The following AUTS2 variants were observed in gnomAD, a reference collection of about 807,000 sequenced individuals.
The protein encoded by AUTS2 is activator of transcription and developmental regulator AUTS2.
AUTS2 carries 17 observed loss-of-function variants against 112.4 expected under a neutral mutation model. That is an observed-to-expected ratio of 0.15 (90% CI 0.10 to 0.23). The LOEUF is 0.23. AUTS2 is among the 10% of genes least tolerant of loss of function. The pLI is 1.00. For missense variants in AUTS2, 1,510 were observed against 1,701.6 expected (o/e 0.89, Z 1.98); for synonymous variants, 751 against 702.7 (o/e 1.07, Z -1.09).
intron 2 of AUTS2, among the ~76,000 whole-genome samples, chr7:70,028,454 G>A (rs1800625412): frequency 6.6e-6 from 1 of 152,142 alleles, no homozygotes; most frequent in Non-Finnish European, 1.5e-5. Context: ...ATCATTCTAT[G>A]TTTTAAGTAT....
intron 4 of AUTS2, among the ~76,000 whole-genome samples, chr7:70,378,296 T>C (rs903283886): frequency 2.0e-5 from 3 of 152,264 alleles, no homozygotes; most frequent in African/African-American, 7.2e-5. Context: ...CAGAAGTGGC[T>C]ATTGAAATAT....
In AUTS2 at chr7:70,751,111, C is replaced by T. The variant is rs146270904; in HGVS notation, c.743-11759C>T. Among the ~76,000 whole-genome samples, 383 of 152,286 alleles carry T rather than the reference C, an allele frequency of 2.5e-3. 1 individual carries two copies. The highest frequency in any genetic ancestry group is 4.4e-3 in the Non-Finnish European group (299 of 68,026). ...ACCCCAAAATCGTTGATGACATTAACAGGTAAAATGACAGGGGCGCGTTGC... is the reference window on the plus strand; with the variant it reads ...ACCCCAAAATCGTTGATGACATTAATAGGTAAAATGACAGGGGCGCGTTGC... On this transcript the variant is annotated intron_variant, in intron 6 of 18. Coordinates refer to ENST00000342771, the MANE Select transcript of AUTS2 (RefSeq NM_015570.4).
At chr7:70,619,109 C>G (rs776300717) in intron 5 of AUTS2, among the ~76,000 whole-genome samples, 2 of 152,182 alleles carry the variant, frequency 1.3e-5, no homozygotes, top group Non-Finnish European at 2.9e-5. Flanking sequence ...CTCCCTGGGT[C>G]TCCCTTTCCA....
rs543006228 is a variant in AUTS2, at chr7:69,649,565, C to A, written c.309+49603C>A. Reference sequence around the variant, plus strand: ...GAGCAGAGTCACCTCATCCTCCTTTCCGTGGCCAACTCAAAGACTTACAAC... The same window carrying A: ...GAGCAGAGTCACCTCATCCTCCTTTACGTGGCCAACTCAAAGACTTACAAC... On this transcript the variant is annotated intron_variant, in intron 1 of 18. Coordinates refer to ENST00000342771, the MANE Select transcript of AUTS2 (RefSeq NM_015570.4). Among the ~76,000 whole-genome samples, 16 of 151,938 alleles carry A rather than the reference C, an allele frequency of 1.1e-4. No individual in the cohort carries two copies. In the East Asian group the frequency reaches 2.9e-3, roughly 28 times the overall value.
At chr7:69,983,240 C>T (rs1798369021) in intron 2 of AUTS2, among the ~76,000 whole-genome samples, 1 of 151,866 alleles carries the variant, frequency 6.6e-6, no homozygotes, top group African/African-American at 2.4e-5. Flanking sequence ...CCTTTTTGTA[C>T]TCATGATTCT....
intron 4 of AUTS2, among the ~76,000 whole-genome samples, chr7:70,143,662 G>A (rs904332473): frequency 8.5e-5 from 13 of 152,058 alleles, no homozygotes; most frequent in East Asian, 3.9e-4. Flanking sequence ...AAAACATTTC[G>A]GTCTCCATTG....
chr7:69,820,342 G>A (rs139763397), intron 1 of AUTS2, among the ~76,000 whole-genome samples: 1 of 152,236 alleles, frequency 6.6e-6, no homozygotes, highest in East Asian at 1.9e-4. Context: ...TTAGGTCAGT[G>A]GTTCTCTAAG....
At chr7:70,525,367 C>A (rs1001043854) in intron 5 of AUTS2, among the ~76,000 whole-genome samples, 3 of 152,170 alleles carry the variant, frequency 2.0e-5, no homozygotes, top group Non-Finnish European at 2.9e-5. Flanking sequence ...GCTGGCCATT[C>A]CATATCATGC....
At chr7:69,969,125 C>A (rs955894340) in intron 2 of AUTS2, among the ~76,000 whole-genome samples, 2 of 151,966 alleles carry the variant, frequency 1.3e-5, no homozygotes, top group Non-Finnish European at 2.9e-5. Flanking sequence ...ATTTTGATAA[C>A]TGAAAACTGT....
At chr7:69,678,164 A>T (rs1173675799) in intron 1 of AUTS2, among the ~76,000 whole-genome samples, 5 of 152,030 alleles carry the variant, frequency 3.3e-5, no homozygotes, top group African/African-American at 1.2e-4. Context: ...ATTCTTTCTG[A>T]CAGGCACAGG....
At chr7:70,068,305 G>T (rs112202126) in intron 2 of AUTS2, among the ~76,000 whole-genome samples, 2,644 of 151,316 alleles carry the variant, frequency 0.017, 58 homozygotes, top group Middle Eastern at 0.075. Flanking sequence ...AGCCTCCTGA[G>T]TAGCTGAGAC....
chr7:70,185,127 A>G (rs561657335), intron 4 of AUTS2, among the ~76,000 whole-genome samples: 1 of 152,228 alleles, frequency 6.6e-6, no homozygotes, highest in East Asian at 1.9e-4. Context: ...TCCTTCATGA[A>G]CTAATATTCA....
At chr7:70,000,904 C>T (rs1439872938) in intron 2 of AUTS2, among the ~76,000 whole-genome samples, 2 of 152,066 alleles carry the variant, frequency 1.3e-5, no homozygotes, top group Admixed American at 1.3e-4. Flanking sequence ...GACTGTATGC[C>T]CATTGGCCGG....
chr7:70,346,309 A>G (rs1423228321), intron 4 of AUTS2, among the ~76,000 whole-genome samples: 1 of 152,170 alleles, frequency 6.6e-6, no homozygotes, highest in East Asian at 1.9e-4. Flanking sequence ...CTTATTTTAT[A>G]ACTGATGATA....
chr7:70,747,988 A>ATTT (rs770222247), intron 6 of AUTS2, among the ~76,000 whole-genome samples: 10,652 of 108,382 alleles, frequency 0.098, 1,206 homozygotes, highest in African/African-American at 0.27. Context: ...CGCCCAGCCA[A>ATTT]TTTTTTTTTT....
intron 5 of AUTS2, among the ~76,000 whole-genome samples, chr7:70,653,932 A>T (rs1806638436): frequency 6.6e-6 from 1 of 152,204 alleles, no homozygotes; most frequent in Non-Finnish European, 1.5e-5. Context: ...GTTTCCCTTC[A>T]GTAATATTCT....
At chr7:69,610,930 A>G (rs1049216055) in intron 1 of AUTS2, among the ~76,000 whole-genome samples, 2 of 152,320 alleles carry the variant, frequency 1.3e-5, no homozygotes, top group South Asian at 2.1e-4. Context: ...GACATCTGTT[A>G]TATCTTGTTA....
At chr7:70,683,264 T>G (rs564650487) in intron 5 of AUTS2, among the ~76,000 whole-genome samples, 1 of 142,156 alleles carries the variant, frequency 7.0e-6, no homozygotes, top group East Asian at 1.9e-4. Flanking sequence ...GACTTTGCAG[T>G]TTAGTTTTAT....
At chr7:70,719,994 C>T (rs977982463) in intron 6 of AUTS2, among the ~76,000 whole-genome samples, 1 of 152,180 alleles carries the variant, frequency 6.6e-6, no homozygotes, top group Non-Finnish European at 1.5e-5. Context: ...TACACAAGTA[C>T]AAGCATCTCT....
Sources: gnomAD v4.1 joint callset for allele counts (sites outside exome capture counted in the v4.1 genomes callset) on GRCh38, gnomAD v4.1.1 for gene constraint, MANE v1.5 for transcripts, NCBI Gene and HGNC (gene_info 2026-07-23, HGNC 2026-07-21) for gene names.